STXBP5L: variants seen among roughly 807,000 people sequenced by gnomAD.
STXBP5L encodes syntaxin-binding protein 5-like.
STXBP5L carries 65 observed loss-of-function variants against 144.5 expected under a neutral mutation model. The ratio of observed to expected loss-of-function variants is 0.45; its 90% confidence interval spans 0.37 to 0.55. The LOEUF (loss-of-function observed/expected upper bound fraction) is 0.55, where lower values mean the gene tolerates loss of function less well. Ranked by LOEUF, STXBP5L falls within the 20% of genes least tolerant of loss-of-function variation. The probability of loss-of-function intolerance (pLI) is 0.00; values close to 1 mark genes in which losing one functional copy is unlikely to be tolerated. For synonymous variants in STXBP5L, 505 were observed against 469.6 expected (o/e 1.08, Z -0.97); for missense variants, 1,298 against 1,405.5 (o/e 0.92, Z 1.22).
chr3:120,995,235 CCTT>C (rs1324582636), intron 3 of STXBP5L, among the ~76,000 whole-genome samples: 3 of 152,140 alleles, frequency 2.0e-5, no homozygotes, highest in African/African-American at 7.2e-5. Context: ...GCAACCTTGA[CCTT>C]CTAGGCTCAA....
intron 3 of STXBP5L, among the ~76,000 whole-genome samples, chr3:121,035,866 A>C (rs1419802239): frequency 6.6e-6 from 1 of 152,160 alleles, no homozygotes; most frequent in African/African-American, 2.4e-5. Flanking sequence ...AGTCTTGAAC[A>C]TCTTCATTTA....
At chr3:121,273,153 T>G in intron 18 of STXBP5L, among the ~76,000 whole-genome samples, 1 of 152,126 alleles carries the variant, frequency 6.6e-6, no homozygotes. Context: ...CCCTTCCATG[T>G]TAGCTTAATT....
In STXBP5L at chr3:121,177,167, C is replaced by T. The variant is rs141753460; in HGVS notation, c.877+19540C>T. 2.4e-3 allele frequency among the ~76,000 whole-genome samples: 369 copies of T among 151,968 alleles called. 1 individual carries two copies. The highest frequency in any genetic ancestry group is 3.4e-3 in the Middle Eastern group (1 of 294). On this transcript the variant is annotated intron_variant, in intron 9 of 26. Coordinates refer to ENST00000471454, the MANE Select transcript of STXBP5L (RefSeq NM_001308330.2). ...TCACAACATATATTAAATATAACAA[C>T]GAACAAAACAAAGACACTGTAAAAT...
At position 121,067,595 on chromosome 3, in the gene STXBP5L, T is replaced by A. The variant is rs114411414; in HGVS notation, c.470+22060T>A. Among the ~76,000 whole-genome samples the A allele has an allele frequency of 4.2e-3, 647 of 152,292 alleles. 5 individuals carry two copies. Among genetic ancestry groups the A allele is most frequent in the African/African-American group, 0.015 (617 of 41,584 alleles). ...CTAATTTTACTATTCTGTTACTAGGTTCAATGTACTATATATGTAAATTTG... is the reference window on the plus strand; with the variant it reads ...CTAATTTTACTATTCTGTTACTAGGATCAATGTACTATATATGTAAATTTG... On this transcript the variant is annotated intron_variant, in intron 5 of 26. Coordinates refer to ENST00000471454, the MANE Select transcript of STXBP5L (RefSeq NM_001308330.2).
intron 5 of STXBP5L, among the ~76,000 whole-genome samples, chr3:121,089,320 G>T (rs527586633): frequency 6.6e-6 from 1 of 151,568 alleles, no homozygotes; most frequent in East Asian, 1.9e-4. Context: ...TCCTTTACCT[G>T]ATAATGTCAT....
chr3:121,116,134 T>G (rs900806844), intron 6 of STXBP5L, among the ~76,000 whole-genome samples: 4 of 152,150 alleles, frequency 2.6e-5, no homozygotes, highest in Non-Finnish European at 5.9e-5. Context: ...GTAAAATTAT[T>G]AATCAGAAAA....
At chr3:120,967,974 A>C (rs1273911098) in intron 3 of STXBP5L, among the ~76,000 whole-genome samples, 1 of 152,180 alleles carries the variant, frequency 6.6e-6, no homozygotes, top group Non-Finnish European at 1.5e-5. Context: ...GTTATTTAAT[A>C]GTTTTGACTT....
intron 20 of STXBP5L, among the ~76,000 whole-genome samples, chr3:121,371,546 G>A (rs1267014271): frequency 1.3e-5 from 2 of 152,088 alleles, no homozygotes; most frequent in African/African-American, 4.8e-5. Context: ...ATTGGCTGCA[G>A]CAGGGTGCTG....
intron 5 of STXBP5L, among the ~76,000 whole-genome samples, chr3:121,047,380 T>C (rs1237758907): frequency 6.6e-6 from 1 of 152,084 alleles, no homozygotes; most frequent in Admixed American, 6.6e-5. Context: ...TTTGGTGAAG[T>C]GTTAAGTTTA....
At chr3:121,074,366 C>A (rs182167099) in intron 5 of STXBP5L, among the ~76,000 whole-genome samples, 5 of 152,238 alleles carry the variant, frequency 3.3e-5, no homozygotes, top group African/African-American at 1.2e-4. Flanking sequence ...CCTTTACTGG[C>A]TGGTAATCTC....
At chr3:121,101,681 G>T (rs1282604783) in intron 5 of STXBP5L, among the ~76,000 whole-genome samples, 1 of 152,032 alleles carries the variant, frequency 6.6e-6, no homozygotes, top group Non-Finnish European at 1.5e-5. Context: ...ACGAGACAAG[G>T]ATGCTCACTC....
chr3:121,049,185 C>G (rs73187500), intron 5 of STXBP5L, among the ~76,000 whole-genome samples: 20,224 of 152,126 alleles, frequency 0.13, 1,648 homozygotes, highest in Non-Finnish European at 0.19. Context: ...TGTAAGGTGG[C>G]TGCACTGTGC....
At chr3:120,922,120 GTCC>G (rs1214119130) in intron 2 of STXBP5L, among the ~76,000 whole-genome samples, 3 of 151,824 alleles carry the variant, frequency 2.0e-5, no homozygotes, top group Non-Finnish European at 4.4e-5. Flanking sequence ...ACTTGTTTGT[GTCC>G]TCGTCAATTC....
chr3:121,394,083 G>T (rs1048468536), intron 22 of STXBP5L, among the ~76,000 whole-genome samples: 1 of 152,010 alleles, frequency 6.6e-6, no homozygotes, highest in Non-Finnish European at 1.5e-5. Context: ...TCATTTGTTT[G>T]TGTCATCTCA....
chr3:121,248,067 T>A (rs1467737641), intron 14 of STXBP5L, among the ~76,000 whole-genome samples: 1 of 152,004 alleles, frequency 6.6e-6, no homozygotes, highest in African/African-American at 2.4e-5. Context: ...TTTTTTCTTC[T>A]TTTTTTTGAT....
At chr3:120,995,519 A>T (rs1943273030) in intron 3 of STXBP5L, among the ~76,000 whole-genome samples, 1 of 150,714 alleles carries the variant, frequency 6.6e-6, no homozygotes, top group East Asian at 2.0e-4. Flanking sequence ...ATTTTTAATG[A>T]TTTAATGTTG....
At chr3:121,189,841 T>A (rs1225139417) in intron 9 of STXBP5L, among the ~76,000 whole-genome samples, 2 of 152,206 alleles carry the variant, frequency 1.3e-5, no homozygotes, top group African/African-American at 4.8e-5. Flanking sequence ...AATGACCAAC[T>A]TAAAATAAAC....
chr3:121,365,343 T>C (rs2045832789), intron 20 of STXBP5L, among the ~76,000 whole-genome samples: 1 of 151,880 alleles, frequency 6.6e-6, no homozygotes. Flanking sequence ...ATATTATTCT[T>C]CTTTAAAGAT....
chr3:121,093,418 G>C (rs995086153), intron 5 of STXBP5L, among the ~76,000 whole-genome samples: 4 of 152,028 alleles, frequency 2.6e-5, no homozygotes, highest in African/African-American at 9.7e-5. Context: ...CTTTTTGGTT[G>C]GTAAGCTATT....
Sources: allele counts gnomAD v4.1 joint callset (sites outside exome capture counted in the v4.1 genomes callset), GRCh38; gene constraint gnomAD v4.1.1; transcripts MANE v1.5; gene names NCBI Gene and HGNC (gene_info 2026-07-23, HGNC 2026-07-21).